RYR2: variants seen among roughly 807,000 people sequenced by gnomAD.
RYR2 encodes the protein ryanodine receptor 2.
RYR2 carries 227 observed loss-of-function variants against 601.1 expected under a neutral mutation model. The observed-to-expected ratio is 0.38, with a 90% confidence interval of 0.34 to 0.42. RYR2 has a LOEUF of 0.42. Among genes scored for constraint, RYR2 ranks in the 10% least tolerant of loss-of-function variants. RYR2 has a pLI of 1.00. For synonymous variants in RYR2, 2,223 were observed against 2,175.1 expected (o/e 1.02, Z -0.61); for missense variants, 4,646 against 6,156.5 (o/e 0.75, Z 8.21).
At chr1:237,425,559 G>T (rs917294157) in intron 12 of RYR2, among the ~76,000 whole-genome samples, 1 of 152,044 alleles carries the variant, frequency 6.6e-6, no homozygotes, top group African/African-American at 2.4e-5. Context: ...GCTTGAACTC[G>T]GGAGGCAGAG....
chr1:237,337,247 A>G (rs1203037651), intron 3 of RYR2, among the ~76,000 whole-genome samples: 13 of 142,324 alleles, frequency 9.1e-5, no homozygotes, highest in African/African-American at 3.7e-4. Flanking sequence ...GCGAGTATCC[A>G]TCTCAAAAAA....
chr1:237,830,649 G>T lies in RYR2; in HGVS notation c.14756+19G>T. ...ATTACTTGTGAGTGTGCCCGTTTCA[G>T]AATCTTCCACCTCTCCAGTAGACGC... On this transcript the variant is annotated intron_variant, in intron 103 of 104. Transcript: ENST00000366574. 7.5e-7 allele frequency: 1 copy of T among 1,337,594 alleles called. No homozygotes were observed. The highest frequency in any genetic ancestry group is 1.1e-6 in the Non-Finnish European group (1 of 929,814). The allele number at this position is 1,337,594 out of a possible 1,614,324, so 82.9% of individuals were successfully genotyped here. A position where few individuals can be genotyped will look rare whatever the true frequency, so the allele number is the denominator to read the frequency against.
At chr1:237,210,917 G>A (rs531672985) in intron 1 of RYR2, among the ~76,000 whole-genome samples, 11 of 152,284 alleles carry the variant, frequency 7.2e-5, no homozygotes, top group South Asian at 4.1e-4. Context: ...TTTATGTGTT[G>A]TCATGGATAT....
chr1:237,598,073 G>A (rs1676078156), intron 34 of RYR2, among the ~76,000 whole-genome samples: 1 of 152,150 alleles, frequency 6.6e-6, no homozygotes, highest in African/African-American at 2.4e-5. Context: ...GTAAAAAAGA[G>A]TCAAAGAAGG....
intron 21 of RYR2, 72 bp downstream of exon 21, chr1:237,500,975 C>T: frequency 3.0e-6 from 4 of 1,353,694 alleles, no homozygotes; most frequent in Non-Finnish European, 4.2e-6. Context: ...CTCTGCACTG[C>T]CATTGCCCTT....
chr1:237,378,721 T>C (rs1701223948), intron 8 of RYR2, among the ~76,000 whole-genome samples: 1 of 152,198 alleles, frequency 6.6e-6, no homozygotes, highest in Non-Finnish European at 1.5e-5. Flanking sequence ...TGAAATAGGG[T>C]AAGTTTGGGG....
chr1:237,126,203 C>T (rs1194641285), intron 1 of RYR2, among the ~76,000 whole-genome samples: 2 of 151,082 alleles, frequency 1.3e-5, no homozygotes, highest in East Asian at 1.9e-4. Context: ...TGCCACTGTA[C>T]TCCAGCCTTG....
intron 32 of RYR2, 84 bp from the exon 33 acceptor site, chr1:237,593,392 A>G: frequency 2.2e-6 from 3 of 1,362,830 alleles, no homozygotes; most frequent in Admixed American, 2.4e-5. Context: ...TCATTCACAG[A>G]CTTAGACACA....
intron 39 of RYR2, among the ~76,000 whole-genome samples, chr1:237,625,061 T>C (rs1679504890): frequency 6.6e-6 from 1 of 151,928 alleles, no homozygotes; most frequent in African/African-American, 2.4e-5. Flanking sequence ...TATTTTTTTT[T>C]TTCTACAAGT....
chr1:237,617,394 T>C lies in RYR2; in HGVS notation c.5824T>C (p.Phe1942Leu), dbSNP rs368669045. ...FVAKLQDNQR[F>L]RYNEVMQALN... is the part of the protein sequence containing the mutation. ...GGCTAAGCTCCAAGACAATCAACGT[T>C]TCCGATACAACGAAGTCATGCAAGC... is the stretch of plus-strand genomic sequence containing the variant. The change falls in exon 38 of 105, where the codon TTC becomes CTC. Residue 1942 changes from phenylalanine (F) to leucine (L), a missense_variant. By Grantham distance (22) the Phe-to-Leu change is conservative. Coordinates refer to ENST00000366574, the MANE Select transcript of RYR2 (RefSeq NM_001035.3). 1.2e-5 allele frequency: 20 copies of C among 1,613,882 alleles called. No individual in the cohort carries two copies. Among genetic ancestry groups the C allele is most frequent in the Admixed American group, 1.7e-5 (1 of 60,004 alleles).
intron 87 of RYR2, among the ~76,000 whole-genome samples, chr1:237,776,809 T>A (rs981899994): frequency 6.6e-6 from 1 of 152,178 alleles, no homozygotes. Context: ...GTGTTGTATT[T>A]TTTTATCTAA....
intron 24 of RYR2, among the ~76,000 whole-genome samples, chr1:237,524,421 A>G (rs1044895004): frequency 3.9e-5 from 6 of 152,240 alleles, no homozygotes; most frequent in African/African-American, 1.2e-4. Flanking sequence ...CGCCTGCAGC[A>G]GGCATGGGGG....
At chr1:237,304,536 A>G (rs145092814) in intron 2 of RYR2, among the ~76,000 whole-genome samples, 34 of 152,332 alleles carry the variant, frequency 2.2e-4, no homozygotes, top group African/African-American at 8.2e-4. Flanking sequence ...GTCTGTTTCA[A>G]AGGCTACTTA....
chr1:237,387,460 A>T (rs1702034905), intron 9 of RYR2, 80 bp downstream of exon 9: 3 of 1,240,952 alleles, frequency 2.4e-6, no homozygotes, highest in Non-Finnish European at 1.2e-6. Flanking sequence ...TAATGAGCTG[A>T]TTGTTAATTA....
intron 103 of RYR2, among the ~76,000 whole-genome samples, chr1:237,830,862 G>A (rs1003068955): frequency 2.0e-5 from 3 of 152,162 alleles, no homozygotes; most frequent in Non-Finnish European, 4.4e-5. Context: ...GAAATGAAGA[G>A]GTGGACAGGG....
At chr1:237,450,206 A>C (rs187847506) in intron 14 of RYR2, among the ~76,000 whole-genome samples, 9 of 152,102 alleles carry the variant, frequency 5.9e-5, no homozygotes, top group African/African-American at 2.2e-4. Context: ...CATTCTCATC[A>C]GTGTTCTGCT....
chr1:237,732,962 A>G (rs1454230469), intron 78 of RYR2, among the ~76,000 whole-genome samples: 2 of 152,188 alleles, frequency 1.3e-5, no homozygotes, highest in Non-Finnish European at 2.9e-5. Flanking sequence ...TTTGCCTGCC[A>G]TAATAATGTA....
At chr1:237,350,001 T>G (rs10925380) in intron 3 of RYR2, among the ~76,000 whole-genome samples, 36,219 of 151,930 alleles carry the variant, frequency 0.24, 4,452 homozygotes, top group East Asian at 0.37. Flanking sequence ...CATAAAGCTA[T>G]ATAAAGAGAA....
At chr1:237,663,520 G>A (rs1684002457) in intron 56 of RYR2, among the ~76,000 whole-genome samples, 1 of 152,206 alleles carries the variant, frequency 6.6e-6, no homozygotes, top group Admixed American at 6.5e-5. Context: ...CAAGCCTGGG[G>A]TGACATTCTG....
Sources: allele counts gnomAD v4.1 joint callset (sites outside exome capture counted in the v4.1 genomes callset), GRCh38; gene constraint gnomAD v4.1.1; transcripts MANE v1.5; gene names NCBI Gene and HGNC (gene_info 2026-07-23, HGNC 2026-07-21).